The following HSPB7 variants were observed in gnomAD, a reference collection of about 807,000 sequenced individuals.
HSPB7 encodes the protein heat shock protein family B (small) member 7.
Under a neutral mutation model 11.0 loss-of-function variants are expected in HSPB7, and 9 were observed. The observed-to-expected ratio is 0.82, with a 90% CI of 0.49 to 1.43. The LOEUF is 1.43. Among genes scored for constraint, HSPB7 ranks in the 40% most tolerant of loss-of-function variants. HSPB7 has a pLI of 0.00. For synonymous variants in HSPB7, 102 were observed against 101.6 expected (o/e 1.00, Z -0.02); for missense variants, 246 against 243.9 (o/e 1.01, Z -0.06).
upstream of HSPB7, chr1:16,018,788 AAG>A: frequency 8.9e-7 from 1 of 1,123,302 alleles, no homozygotes; most frequent in Non-Finnish European, 1.1e-6. Context: ...TCAGAGGTAA[AAG>A]AGAATTCCGG....
intron 1 of HSPB7, 163 bp from the exon 2 acceptor site, chr1:16,017,370 TG>T (rs1481004063): frequency 2.1e-5 from 19 of 902,890 alleles, no homozygotes; most frequent in Non-Finnish European, 3.1e-5. Context: ...CCACCTTTTC[TG>T]GGGTGGGGGT....
At chr1:16,017,681 C>T (rs2021849115) in intron 1 of HSPB7, 84 bp downstream of exon 1, 3 of 1,194,234 alleles carry the variant, frequency 2.5e-6, no homozygotes, top group Non-Finnish European at 2.4e-6. Flanking sequence ...GGCCGACCGG[C>T]AGCCACAGCG....
At chr1:16,018,869 A>G (rs2021953863), upstream of HSPB7, 1 of 1,337,494 alleles carries the variant, frequency 7.5e-7, no homozygotes, top group East Asian at 2.9e-5. Flanking sequence ...CAAGCTGTCC[A>G]GCACGGCCCC....
upstream of HSPB7, chr1:16,018,050 C>T (rs1435839966): frequency 6.2e-7 from 1 of 1,605,054 alleles, no homozygotes; most frequent in African/African-American, 1.3e-5. Flanking sequence ...GCGTGCCAGG[C>T]TCCGACTGCG....
chr1:16,019,302 A>G (rs527863662), upstream of HSPB7: 7 of 1,451,238 alleles, frequency 4.8e-6, no homozygotes, highest in South Asian at 3.6e-5. Flanking sequence ...TCCTGCTCAC[A>G]TGGGCCCACA....
chr1:16,017,077 C>A lies in HSPB7; in HGVS notation c.330G>T (p.Glu110Asp). ...TSNNHIEVRA[E>D]KLAADGTVMN... ...GAGTAGGGGGTGGGGGGCTCACCTT[C>A]TCAGCCCGCACCTCGATGTGGTTGT... Residue 110 changes from glutamate to aspartate, a missense_variant, in exon 2 of 3, where the codon GAG becomes GAT. Glu to Asp is a conservative substitution (Grantham distance 45, BLOSUM62 2). Coordinates refer to ENST00000311890, the MANE Select transcript of HSPB7 (RefSeq NM_014424.5). 6.2e-7 allele frequency: 1 copy of A among 1,608,010 alleles called. No individual in the cohort carries two copies. Among genetic ancestry groups the A allele is most frequent in the Non-Finnish European group, 8.5e-7 (1 of 1,175,184 alleles).
rs2021584685 is a variant in HSPB7, at chr1:16,014,937, A to T, written c.*643T>A. 6.6e-6 allele frequency: 1 copy of T among 152,582 alleles called. No homozygotes were observed. The highest frequency in any genetic ancestry group is 2.1e-4 in the South Asian group (1 of 4,848). 9.5% of individuals were successfully genotyped at this position (152,582 alleles called of 1,614,324 possible). ...TTTATCACGAACCAGCTGTATTGGA[A>T]AAACCCCATCTATATACAGATGTGG... is the stretch of plus-strand genomic sequence containing the variant. On this transcript the variant is annotated 3_prime_UTR_variant, in exon 3 of 3. Transcript: ENST00000311890.
upstream of HSPB7, chr1:16,019,326 C>A: frequency 7.1e-7 from 1 of 1,417,258 alleles, no homozygotes; most frequent in Non-Finnish European, 9.8e-7. Flanking sequence ...AGTCCAGATG[C>A]CCCCAGCACT....
chr1:16,016,591 G>A (rs2021746056), intron 2 of HSPB7, among the ~76,000 whole-genome samples: 1 of 152,194 alleles, frequency 6.6e-6, no homozygotes, highest in South Asian at 2.1e-4. Flanking sequence ...GGGGTCCCAA[G>A]ATGGGGGATG....
chr1:16,015,615 C>G lies in HSPB7; in HGVS notation c.478G>C (p.Val160Leu). 1 of 1,614,062 alleles carries G rather than the reference C, an allele frequency of 6.2e-7. No homozygotes were observed. Among genetic ancestry groups the G allele is most frequent in the Non-Finnish European group, 8.5e-7 (1 of 1,179,980 alleles). ...ATCTCCGTCCGGAAGGTCTGCTGGA[C>G]GTGTTCTGTATGCGGGTGACGCCGT... The part of the protein sequence containing the change: ...RARRHPHTEH[V>L]QQTFRTEIKI Residue 160 changes from valine to leucine, a missense_variant, in exon 3 of 3, where the codon GTC (valine) becomes CTC (leucine). Val to Leu is a conservative substitution (Grantham distance 32). Coordinates refer to ENST00000311890, the MANE Select transcript of HSPB7 (RefSeq NM_014424.5). The surrounding 1 kb of genome is among the most constrained non-coding windows in gnomAD (Gnocchi z 4.9).
chr1:16,018,165 G>T, upstream of HSPB7: 15 of 1,536,246 alleles, frequency 9.8e-6, no homozygotes, highest in Non-Finnish European at 1.3e-5. Context: ...ATCTTCTCCC[G>T]TGCGCCGGCC....
chr1:16,017,754 G>A lies in HSPB7; in HGVS notation c.199+11C>T, dbSNP rs781263349. 11 of 1,576,418 alleles carry A rather than the reference G, an allele frequency of 7.0e-6. No individual in the cohort carries two copies. The highest frequency in any genetic ancestry group is 2.3e-5 in the East Asian group (1 of 43,108). On this transcript the variant is annotated intron_variant, in intron 1 of 2. Coordinates refer to ENST00000311890, the MANE Select transcript of HSPB7 (RefSeq NM_014424.5). ...TGCACCTCCCCTCCCCTCAGGGCCC[G>A]GATCACTTGCCTGGGAAGGCCAGGG...
chr1:16,016,413 C>A (rs528756477), intron 2 of HSPB7, among the ~76,000 whole-genome samples: 15 of 152,330 alleles, frequency 9.8e-5, no homozygotes, highest in African/African-American at 3.6e-4. Flanking sequence ...CCTGTTCAGG[C>A]CTGGCCATAC....
chr1:16,015,523 C>T lies in HSPB7; in HGVS notation c.*57G>A, dbSNP rs878866178. 21 of 1,550,512 alleles carry T rather than the reference C, an allele frequency of 1.4e-5. No homozygotes were observed. The highest frequency in any genetic ancestry group is 1.4e-4 in the East Asian group (6 of 44,360). ...CCTGGAGCTGTTGTAATGGGGTTAG[C>T]GAGGCTTTGCTGGCAGGCGTGGGGC... On this transcript the variant is annotated 3_prime_UTR_variant, in exon 3 of 3. Coordinates refer to ENST00000311890, the MANE Select transcript of HSPB7 (RefSeq NM_014424.5). This position sits in a 1 kb window ranked among gnomAD's most constrained non-coding sequence, Gnocchi z 4.9.
chr1:16,018,539 C>T (rs371938385), upstream of HSPB7: 2 of 1,077,954 alleles, frequency 1.9e-6, no homozygotes, highest in African/African-American at 3.4e-5. Context: ...CAGCCCATCT[C>T]TAAGGAAAGG....
In HSPB7 at chr1:16,015,956, C is replaced by T. The variant is rs1311461360; in HGVS notation, c.334-197G>A. 2.0e-5 allele frequency among the ~76,000 whole-genome samples: 3 copies of T among 152,372 alleles called. No individual in the cohort carries two copies. The highest frequency in any genetic ancestry group is 2.9e-5 in the Non-Finnish European group (2 of 68,046). On this transcript the variant is annotated intron_variant, in intron 2 of 2. Transcript: ENST00000311890. This position sits in a 1 kb window ranked among gnomAD's most constrained non-coding sequence, Gnocchi z 4.9. ...CTGCAGGGACAGCGCAGGGGTGCTT[C>T]GCAGAGCTCCAGTAGCTCCAAGGAA... is the stretch of plus-strand genomic sequence containing the variant.
At chr1:16,017,263 G>C (rs1284574164) in intron 1 of HSPB7, 56 bp from the exon 2 acceptor site, 2 of 1,588,274 alleles carry the variant, frequency 1.3e-6, no homozygotes, top group Non-Finnish European at 1.7e-6. Context: ...TGCAGATCCG[G>C]GGGTTCTGGC....
chr1:16,019,442 G>A (rs760600979), upstream of HSPB7: 16 of 1,549,890 alleles, frequency 1.0e-5, no homozygotes, highest in Middle Eastern at 1.7e-4. Flanking sequence ...CAGTTCCCAC[G>A]GGGGCGAGGG....
chr1:16,018,522 A>G (rs571899576), upstream of HSPB7: 17 of 1,095,418 alleles, frequency 1.6e-5, no homozygotes, highest in Admixed American at 5.1e-5. Context: ...AAGGCAGACA[A>G]CCTTCACAGC....
Sources: gnomAD v4.1 joint callset for allele counts (sites outside exome capture counted in the v4.1 genomes callset) on GRCh38, gnomAD v4.1.1 for gene constraint, Gnocchi (gnomAD v3.1) non-coding constraint, MANE v1.5 for transcripts, NCBI Gene and HGNC (gene_info 2026-07-23, HGNC 2026-07-21) for gene names.